MGST1: variants seen among roughly 807,000 people sequenced by gnomAD.
The protein encoded by MGST1 is microsomal glutathione S-transferase 1.
In MGST1, 5 loss-of-function variants were observed where a neutral mutation model predicts 8.9. The ratio of observed to expected loss-of-function variants is 0.56; its 90% CI spans 0.29 to 1.19. The LOEUF (loss-of-function observed/expected upper bound fraction) is 1.19. MGST1 is among the 50% of genes most tolerant of loss of function. The pLI is 0.08. For missense variants in MGST1, 182 were observed against 187.4 expected (o/e 0.97, Z 0.17); for synonymous variants, 54 against 67.8 (o/e 0.80, Z 1.00).
intron 4 of MGST1, among the ~76,000 whole-genome samples, chr12:16,522,932 G>C (rs1359472639): frequency 6.6e-6 from 1 of 151,884 alleles, no homozygotes; most frequent in Non-Finnish European, 1.5e-5. Flanking sequence ...CCCCACAGTG[G>C]CAATATTGTA....
chr12:16,581,382 A>G (rs531406502), intron 4 of MGST1, among the ~76,000 whole-genome samples: 33 of 152,328 alleles, frequency 2.2e-4, no homozygotes, highest in African/African-American at 7.9e-4. Flanking sequence ...ATAATACTGT[A>G]GTTCCCAAGG....
At chr12:16,566,038 A>G (rs11056998) in intron 4 of MGST1, among the ~76,000 whole-genome samples, 20,367 of 90,146 alleles carry the variant, frequency 0.23, 3,129 homozygotes, top group South Asian at 0.32. Flanking sequence ...ATATATATAT[A>G]TAAAATGGAG....
chr12:16,477,182 G>A (rs1366341622), intron 4 of MGST1, among the ~76,000 whole-genome samples: 1 of 152,148 alleles, frequency 6.6e-6, no homozygotes, highest in African/African-American at 2.4e-5. Context: ...AAAATAGAAA[G>A]ATTAGTTTGA....
At chr12:16,480,558 A>G (rs1288699920) in intron 4 of MGST1, among the ~76,000 whole-genome samples, 1 of 152,248 alleles carries the variant, frequency 6.6e-6, no homozygotes, top group Non-Finnish European at 1.5e-5. Flanking sequence ...AAGAACTCTT[A>G]AAAGTCAATA....
intron 4 of MGST1, among the ~76,000 whole-genome samples, chr12:16,478,622 G>A (rs1941342513): frequency 6.6e-6 from 1 of 151,532 alleles, no homozygotes; most frequent in Non-Finnish European, 1.5e-5. Flanking sequence ...GAAAATTTTG[G>A]TGAATTTTTT....
At position 16,363,732 on chromosome 12, in the gene MGST1, GA is replaced by G; in HGVS notation, c.222-57del. ...TCAGATTTAGTTTTTAGAAGAGAGA[GA>G]AAAAAGGATACATATCTAGTATTTT... On this transcript the variant is annotated intron_variant, in intron 3 of 3. Transcript: ENST00000396210. The surrounding 1 kb of genome is among the most constrained non-coding windows in gnomAD (Gnocchi z 4.6). The G allele has an allele frequency of 1.5e-6, 2 of 1,358,776 alleles. No homozygotes were observed. Among genetic ancestry groups the G allele is most frequent in the Admixed American group, 2.4e-5 (1 of 42,370 alleles). The allele number at this position is 1,358,776 out of a possible 1,614,324, so 84.2% of individuals were successfully genotyped here.
At chr12:16,446,755 G>A (rs1941083894) in intron 4 of MGST1, among the ~76,000 whole-genome samples, 2 of 151,808 alleles carry the variant, frequency 1.3e-5, no homozygotes, top group African/African-American at 4.8e-5. Flanking sequence ...GTGGTGGCTT[G>A]GGGAAGAGAG....
intron 2 of MGST1, 110 bp downstream of exon 2, chr12:16,354,488 T>C (rs761450031): frequency 1.1e-4 from 120 of 1,066,392 alleles, no homozygotes; most frequent in Admixed American, 6.4e-4. Flanking sequence ...GCACACTGTT[T>C]TATGCTGTAA....
chr12:16,364,452 G>A (rs1383349231), downstream of MGST1: 1 of 955,424 alleles, frequency 1.0e-6, no homozygotes, highest in East Asian at 1.1e-4. The surrounding 1 kb of genome is among the most constrained non-coding windows in gnomAD (Gnocchi z 5.7). Context: ...ATTTTCAAAA[G>A]TTTCAAACCT....
intron 4 of MGST1, among the ~76,000 whole-genome samples, chr12:16,476,487 C>T (rs1023721193): frequency 2.0e-5 from 3 of 152,158 alleles, no homozygotes; most frequent in Non-Finnish European, 2.9e-5. Context: ...TCAGGCCCTT[C>T]GTAGGTGCTG....
At chr12:16,375,376 G>A (rs1020954590) in intron 3 of MGST1, among the ~76,000 whole-genome samples, 2 of 152,088 alleles carry the variant, frequency 1.3e-5, no homozygotes, top group African/African-American at 4.8e-5. Context: ...ACAAAGAGCA[G>A]TTCCTAAACA....
chr12:16,502,219 A>C (rs1219381569), intron 4 of MGST1, among the ~76,000 whole-genome samples: 1 of 152,206 alleles, frequency 6.6e-6, no homozygotes, highest in African/African-American at 2.4e-5. Context: ...CTGCCAGGAC[A>C]AAAAATAAAC....
At position 16,401,631 on chromosome 12, in the gene MGST1, T is replaced by C; in HGVS notation, n.778+18027T>C. 6.3e-7 allele frequency: 1 copy of C among 1,585,968 alleles called. No homozygotes were observed. Among genetic ancestry groups the C allele is most frequent in the South Asian group, 1.1e-5 (1 of 90,478 alleles). ...AGTGATAGCCCCAAAATACATGTGA[T>C]TCTTGTCACTCACCACACTGAACTT... On this transcript the variant is annotated intron_variant and non_coding_transcript_variant, in intron 1 of 1. Coordinates refer to the MGST1 transcript ENST00000359720. The surrounding 1 kb of genome is among the most constrained non-coding windows in gnomAD (Gnocchi z 4.3).
rs2137181785 is a variant in MGST1 at position 16,513,807 on chromosome 12, T to C, written n.483-75721T>C. On this transcript the variant is annotated intron_variant and non_coding_transcript_variant, in intron 4 of 4. Coordinates refer to the MGST1 transcript ENST00000538857. This position sits in a 1 kb window ranked among gnomAD's most constrained non-coding sequence, Gnocchi z 4.2. ...GAACTAGTGCCTTAAGGATCAGAGC[T>C]AGTTTTCTGCAAAGATTTCTTAAGT... 2 of 607,716 alleles carry C rather than the reference T, an allele frequency of 3.3e-6. No homozygotes were observed. The highest frequency in any genetic ancestry group is 2.8e-5 in the South Asian group (2 of 70,838). The allele number at this position is 607,716 out of a possible 1,614,324, so 37.6% of individuals were successfully genotyped here.
At chr12:16,510,741 T>C (rs148873212) in intron 4 of MGST1, among the ~76,000 whole-genome samples, 2 of 152,328 alleles carry the variant, frequency 1.3e-5, no homozygotes, top group Non-Finnish European at 2.9e-5. Context: ...ACATTTATAC[T>C]AGAGCTGAAG....
intron 1 of MGST1, among the ~76,000 whole-genome samples, chr12:16,417,970 G>A (rs1402771406): frequency 6.6e-6 from 1 of 152,068 alleles, no homozygotes; most frequent in Non-Finnish European, 1.5e-5. Context: ...CTACATATGG[G>A]GACTAGGAAA....
At chr12:16,529,668 T>A (rs1941710353) in intron 4 of MGST1, among the ~76,000 whole-genome samples, 1 of 152,196 alleles carries the variant, frequency 6.6e-6, no homozygotes, top group South Asian at 2.1e-4. Flanking sequence ...TAAACTTCTT[T>A]TGTGAAATGA....
In MGST1 at chr12:16,548,969, A is replaced by C. The variant is rs532500968; in HGVS notation, n.483-40559A>C. 6.6e-6 allele frequency: 1 copy of C among 152,306 alleles called. No individual in the cohort carries two copies. The highest frequency in any genetic ancestry group is 2.1e-4 in the South Asian group (1 of 4,832). The allele number at this position is 152,306 out of a possible 1,614,324, so 9.4% of individuals were successfully genotyped here. A position where few individuals can be genotyped will look rare whatever the true frequency, so the allele number is the denominator to read the frequency against. ...GGTCTTCCAGTGGCAAGGATAGTTG[A>C]ACAACTTCAAGAAGCTGAGAGAAGT... On this transcript the variant is annotated intron_variant and non_coding_transcript_variant, in intron 4 of 4. Coordinates refer to the MGST1 transcript ENST00000538857. This position sits in a 1 kb window ranked among gnomAD's most constrained non-coding sequence, Gnocchi z 4.2.
intron 4 of MGST1, chr12:16,549,310 C>G (rs1941902689): frequency 6.6e-6 from 1 of 152,074 alleles, no homozygotes; most frequent in Non-Finnish European, 1.5e-5. Context: ...TTTTGAATTT[C>G]TTTCTTTAGT....
Sources: gnomAD v4.1 joint callset for allele counts (sites outside exome capture counted in the v4.1 genomes callset) on GRCh38, gnomAD v4.1.1 for gene constraint, Gnocchi (gnomAD v3.1) non-coding constraint, MANE v1.5 for transcripts, NCBI Gene and HGNC (gene_info 2026-07-23, HGNC 2026-07-21) for gene names.